The following CREB3L2 variants were observed in gnomAD, a reference collection of about 807,000 sequenced individuals.
CREB3L2 encodes the protein cAMP responsive element binding protein 3 like 2.
A neutral mutation model predicts 57.2 loss-of-function variants in CREB3L2; 23 were observed. The ratio of observed to expected loss-of-function variants is 0.40; its 90% confidence interval spans 0.29 to 0.57. The LOEUF is 0.57. Among genes scored for constraint, CREB3L2 ranks in the 20% least tolerant of loss-of-function variants. The pLI is 0.42. For synonymous variants in CREB3L2, 268 were observed against 265.1 expected (o/e 1.01, Z -0.11); for missense variants, 628 against 634.7 (o/e 0.99, Z 0.11).
At position 137,876,331 on chromosome 7, in the gene CREB3L2, C is replaced by CGTGT. The variant is rs10534110; in HGVS notation, c.*4141_*4144dup. Reference sequence around the variant, plus strand: ...TGAGCATGTAAGGGAGGAATGTGCACGTGTGTGTGTGTGTGTGTGTGTGTG... The same window carrying CGTGT: ...TGAGCATGTAAGGGAGGAATGTGCACGTGTGTGTGTGTGTGTGTGTGTGTGTGTG... On this transcript the variant is annotated 3_prime_UTR_variant, in exon 12 of 12. Coordinates refer to ENST00000330387, the MANE Select transcript of CREB3L2 (RefSeq NM_194071.4). 5,814 of 222,802 alleles carry CGTGT rather than the reference C, an allele frequency of 0.026. 110 individuals are homozygous for CGTGT. The highest frequency in any genetic ancestry group is 0.066 in the African/African-American group (2,894 of 43,520). The allele number at this position is 222,802 out of a possible 1,614,324, so 13.8% of individuals were successfully genotyped here.
At chr7:137,905,624 T>C (rs1441103951) in intron 6 of CREB3L2, 78 bp downstream of exon 6, 5 of 1,503,528 alleles carry the variant, frequency 3.3e-6, no homozygotes, top group African/African-American at 1.4e-5. Context: ...GTGCTGGCCG[T>C]TGGGAAGGCA....
rs142580632 is a variant in CREB3L2 at position 137,901,323 on chromosome 7, C to T, written c.1043+31G>A. On this transcript the variant is annotated intron_variant, in intron 8 of 11. Transcript: ENST00000330387. ...TTCCTTCCCCATCTTCCATTGGTAG[C>T]GCAATCAGCTCTCAGTCCAGTGACA... 4.0e-4 allele frequency: 532 copies of T among 1,327,948 alleles called. 6 individuals carry two copies. In the East Asian group the frequency reaches 0.012, roughly 29 times the overall value. The allele number at this position is 1,327,948 out of a possible 1,614,324, so 82.3% of individuals were successfully genotyped here.
chr7:137,889,797 T>C (rs190771918), intron 8 of CREB3L2, among the ~76,000 whole-genome samples: 6 of 152,246 alleles, frequency 3.9e-5, no homozygotes, highest in Admixed American at 2.0e-4. Flanking sequence ...CTTTTCATCA[T>C]AAAAAGAGAA....
chr7:137,898,059 A>G (rs1799664269), intron 8 of CREB3L2, among the ~76,000 whole-genome samples: 1 of 152,232 alleles, frequency 6.6e-6, no homozygotes, highest in South Asian at 2.1e-4. Flanking sequence ...AACTCATACA[A>G]CTCAATATCA....
At chr7:137,910,423 G>A (rs58643157) in intron 4 of CREB3L2, among the ~76,000 whole-genome samples, 2,763 of 152,034 alleles carry the variant, frequency 0.018, 25 homozygotes, top group African/African-American at 0.028. Context: ...TCCTAATCGC[G>A]CTATTCCCAC....
At chr7:137,955,526 T>C (rs973915834) in intron 1 of CREB3L2, among the ~76,000 whole-genome samples, 1 of 152,212 alleles carries the variant, frequency 6.6e-6, no homozygotes, top group Admixed American at 6.5e-5. Flanking sequence ...GATTCAATTA[T>C]TGTTCTAATT....
chr7:137,922,415 T>TATAC (rs1491237233), intron 2 of CREB3L2, among the ~76,000 whole-genome samples: 596 of 23,092 alleles, frequency 0.026, 25 homozygotes, highest in African/African-American at 0.063. Flanking sequence ...TATATATATA[T>TATAC]GTATATATAT....
At chr7:137,896,822 C>T (rs549691176) in intron 8 of CREB3L2, among the ~76,000 whole-genome samples, 3 of 152,180 alleles carry the variant, frequency 2.0e-5, no homozygotes, top group South Asian at 4.1e-4. Context: ...GGAAGAGGAA[C>T]ATCGACAAAC....
chr7:137,955,148 A>G (rs1326501224), intron 1 of CREB3L2: 2 of 489,184 alleles, frequency 4.1e-6, no homozygotes, highest in South Asian at 1.6e-5. Context: ...TGACCTTTTT[A>G]TAAGTGGTTA....
intron 8 of CREB3L2, among the ~76,000 whole-genome samples, chr7:137,890,436 T>G (rs1799508497): frequency 6.6e-6 from 1 of 152,204 alleles, no homozygotes; most frequent in African/African-American, 2.4e-5. Flanking sequence ...GCTAAGCTGA[T>G]GCATATATAT....
At position 138,001,082 on chromosome 7, in the gene CREB3L2, AACACACACACACACACACACACAC is replaced by A. The variant is rs59967148; in HGVS notation, c.102+498_102+521del. 1.5e-5 allele frequency among the ~76,000 whole-genome samples: 2 copies of A among 136,710 alleles called. No homozygotes were observed. The allele number at this position is 136,710 out of a possible 152,430, so 89.7% of individuals were successfully genotyped here. On this transcript the variant is annotated intron_variant, in intron 1 of 11. Coordinates refer to ENST00000330387, the MANE Select transcript of CREB3L2 (RefSeq NM_194071.4). This position sits in a 1 kb window ranked among gnomAD's most constrained non-coding sequence, Gnocchi z 4.2. ...CTCCCTAACGTAGAGGAGCCCTTTCAACACACACACACACACACACACACACACACACACACACACACACGTGTA... is the reference window on the plus strand; with the variant it reads ...CTCCCTAACGTAGAGGAGCCCTTTCAACACACACACACACACACACGTGTA...
intron 1 of CREB3L2, among the ~76,000 whole-genome samples, chr7:137,965,899 A>G (rs1221619660): frequency 1.3e-5 from 2 of 152,214 alleles, no homozygotes; most frequent in African/African-American, 4.8e-5. Context: ...AGGGTGTATC[A>G]CAATCACCTG....
At chr7:137,992,912 A>G (rs1585682451) in intron 1 of CREB3L2, among the ~76,000 whole-genome samples, 1 of 152,338 alleles carries the variant, frequency 6.6e-6, no homozygotes, top group African/African-American at 2.4e-5. Flanking sequence ...CAGAGGATAC[A>G]GGGTAGAGAC....
chr7:137,878,075 C>G lies in CREB3L2; in HGVS notation c.*2401G>C. 4.4e-6 allele frequency: 1 copy of G among 229,802 alleles called. No individual in the cohort carries two copies. Among genetic ancestry groups the G allele is most frequent in the East Asian group, 6.2e-5 (1 of 16,002 alleles). 14.2% of individuals were successfully genotyped at this position (229,802 alleles called of 1,614,324 possible). ...AACGTCCCATTGTCTACATAGATTC[C>G]GTTTTGGAAGGATGGTTTCCCAGAG... On this transcript the variant is annotated 3_prime_UTR_variant, in exon 12 of 12. Transcript: ENST00000330387.
intron 5 of CREB3L2, 46 bp downstream of exon 5, chr7:137,908,206 A>C: frequency 1.7e-6 from 2 of 1,200,526 alleles, no homozygotes; most frequent in Non-Finnish European, 2.1e-6. Context: ...AGGGGAATGA[A>C]TGGAGAGGGT....
chr7:137,965,559 C>T (rs1585663440), intron 1 of CREB3L2, among the ~76,000 whole-genome samples: 2 of 152,150 alleles, frequency 1.3e-5, no homozygotes, highest in East Asian at 3.8e-4. Context: ...TTCTGGAATA[C>T]TTCCTTAAGT....
intron 1 of CREB3L2, among the ~76,000 whole-genome samples, chr7:137,979,599 G>A (rs1234221982): frequency 6.6e-6 from 1 of 152,084 alleles, no homozygotes; most frequent in African/African-American, 2.4e-5. Flanking sequence ...GGTGGTGGGC[G>A]CCTGTAGTCC....
chr7:137,930,590 T>C (rs997601059), intron 1 of CREB3L2, among the ~76,000 whole-genome samples: 1 of 152,222 alleles, frequency 6.6e-6, no homozygotes, highest in Non-Finnish European at 1.5e-5. Flanking sequence ...AGGAAGCTTC[T>C]GCAGGCTCAG....
intron 8 of CREB3L2, among the ~76,000 whole-genome samples, chr7:137,893,911 G>A (rs1007298266): frequency 7.2e-5 from 11 of 152,144 alleles, no homozygotes; most frequent in African/African-American, 1.9e-4. Context: ...TGCTCCTTCC[G>A]GCTCCCTCTA....
Sources: allele counts gnomAD v4.1 joint callset (sites outside exome capture counted in the v4.1 genomes callset), GRCh38; gene constraint gnomAD v4.1.1; non-coding constraint Gnocchi (gnomAD v3.1); transcripts MANE v1.5; gene names NCBI Gene and HGNC (gene_info 2026-07-23, HGNC 2026-07-21).